Variants in MFN1 observed in about 807,000 individuals in gnomAD.
The protein encoded by MFN1 is mitofusin 1, also known as mitofusin-1.
In MFN1, 65 loss-of-function variants were observed where a neutral mutation model predicts 92.4. The ratio of observed to expected loss-of-function variants is 0.70; its 90% confidence interval spans 0.58 to 0.86. The LOEUF (loss-of-function observed/expected upper bound fraction) is 0.86. MFN1 is among the 40% of genes least tolerant of loss of function. The probability of loss-of-function intolerance (pLI) is 0.00; values close to 1 mark genes in which losing one functional copy is unlikely to be tolerated. For synonymous variants in MFN1, 297 were observed against 300.9 expected, an observed-to-expected ratio of 0.99 and a Z score of 0.13; for missense variants, 781 against 868.0, an observed-to-expected ratio of 0.90 and a Z score of 1.26.
Position 179,392,030 on chromosome 3 carries a change from T to C in MFN1, c.2197T>C (p.Phe733Leu), listed in dbSNP as rs1430627611. The C allele has an allele frequency of 2.5e-6, 4 of 1,611,354 alleles. No individual in the cohort carries two copies. In the African/African-American group the frequency reaches 5.3e-5, roughly 22 times the overall value. ...ENELENFTKQ[F>L]LPSSNEES is the part of the protein sequence containing the mutation. ...TGAGCTGGAGAATTTTACTAAGCAG[T>C]TTCTACCTTCAAGCAATGAAGAATC... Residue 733 changes from phenylalanine (F) to leucine (L), a missense_variant, in exon 18 of 18, where the codon TTT (phenylalanine) becomes CTT (leucine). Transcript: ENST00000471841.
intron 2 of MFN1, among the ~76,000 whole-genome samples, chr3:179,351,079 A>G (rs1398605141): frequency 1.3e-5 from 2 of 152,240 alleles, no homozygotes; most frequent in South Asian, 2.1e-4. Context: ...TGCTAGGATT[A>G]TAGGCGTGAG....
rs777653541 is a variant in MFN1 at position 179,362,517 on chromosome 3, G to A, written c.536+35G>A. The A allele has an allele frequency of 3.7e-6, 6 of 1,601,266 alleles. No individual in the cohort carries two copies. In the African/African-American group the frequency reaches 4.0e-5, roughly 11 times the overall value. On this transcript the variant is annotated intron_variant, in intron 5 of 17. Transcript: ENST00000471841. ...CATGTGGATTGCATTTTCTCTGGAA[G>A]TTTATTTAATAGTATAATACTGCTT...
At chr3:179,390,427 A>G (rs1462575081) in intron 17 of MFN1, among the ~76,000 whole-genome samples, 3 of 152,198 alleles carry the variant, frequency 2.0e-5, no homozygotes, top group African/African-American at 4.8e-5. Flanking sequence ...TCATTAGGCT[A>G]TATTATTCCC....
Position 179,377,034 on chromosome 3 carries a change from T to G in MFN1, c.1098-8T>G. ...CCTGAACGTTGATTACTCTTTATAC[T>G]GAAATAGGCATTATTCAGTGGAAGA... On this transcript the variant is annotated splice_region_variant and splice_polypyrimidine_tract_variant and intron_variant, in intron 10 of 17. Transcript: ENST00000471841. 6.2e-7 allele frequency: 1 copy of G among 1,612,616 alleles called. No individual in the cohort carries two copies. The highest frequency in any genetic ancestry group is 8.5e-7 in the Non-Finnish European group (1 of 1,179,476).
intron 14 of MFN1, among the ~76,000 whole-genome samples, chr3:179,382,688 A>G (rs1713517690): frequency 1.3e-5 from 2 of 152,222 alleles, no homozygotes; most frequent in Admixed American, 6.5e-5. Context: ...AGTCCCACCA[A>G]CAGTGTAAAA....
chr3:179,357,778 A>G (rs1315386755), intron 3 of MFN1, among the ~76,000 whole-genome samples: 1 of 152,192 alleles, frequency 6.6e-6, no homozygotes, highest in Admixed American at 6.5e-5. Context: ...TATTATGTTC[A>G]CTGATTCTGT....
intron 14 of MFN1, among the ~76,000 whole-genome samples, chr3:179,379,341 A>C (rs1399243536): frequency 6.6e-6 from 1 of 152,084 alleles, no homozygotes; most frequent in Middle Eastern, 3.2e-3. Flanking sequence ...TACTGTTTAA[A>C]AAAAATTTTT....
intron 16 of MFN1, among the ~76,000 whole-genome samples, chr3:179,388,848 A>T (rs551130685): frequency 6.6e-6 from 1 of 152,244 alleles, no homozygotes; most frequent in Non-Finnish European, 1.5e-5. Flanking sequence ...GAAATATTCA[A>T]TGTGGCACAT....
At chr3:179,361,497 C>T (rs1712576063) in intron 4 of MFN1, among the ~76,000 whole-genome samples, 1 of 152,016 alleles carries the variant, frequency 6.6e-6, no homozygotes, top group African/African-American at 2.4e-5. Context: ...GTTTATTGTT[C>T]CCATCTTTAT....
chr3:179,371,004 GTT>G (rs1452458709), intron 9 of MFN1, among the ~76,000 whole-genome samples: 1 of 152,066 alleles, frequency 6.6e-6, no homozygotes, highest in African/African-American at 2.4e-5. Flanking sequence ...CATTTTCTCT[GTT>G]TTGGGGATTT....
rs111827086 is a variant in MFN1 at position 179,392,927 on chromosome 3, G to A, written c.*868G>A. On this transcript the variant is annotated 3_prime_UTR_variant, in exon 18 of 18. Coordinates refer to ENST00000471841, the MANE Select transcript of MFN1 (RefSeq NM_033540.3). The stretch of plus-strand genomic sequence containing the variant: ...AATTTTATTTGTATGAATTTTCCAG[G>A]ATTTCATTAAAAATTATTATTGTAT... 3.3e-5 allele frequency: 5 copies of A among 152,198 alleles called. No homozygotes were observed. Among genetic ancestry groups the A allele is most frequent in the African/African-American group, 1.2e-4 (5 of 41,536 alleles). The allele number at this position is 152,198 out of a possible 1,614,324, so 9.4% of individuals were successfully genotyped here.
chr3:179,374,997 A>G (rs1046195377), intron 9 of MFN1, among the ~76,000 whole-genome samples: 16 of 152,228 alleles, frequency 1.1e-4, no homozygotes, highest in African/African-American at 3.9e-4. Flanking sequence ...ATTACTGTGT[A>G]AAAATACACA....
chr3:179,370,426 C>G (rs964352012), intron 9 of MFN1, among the ~76,000 whole-genome samples: 3 of 100,760 alleles, frequency 3.0e-5, no homozygotes, highest in East Asian at 3.8e-4. Flanking sequence ...GAGACAGAGT[C>G]TCGCTCTGTC....
chr3:179,361,945 G>A (rs1712596890), intron 4 of MFN1, among the ~76,000 whole-genome samples: 1 of 152,136 alleles, frequency 6.6e-6, no homozygotes, highest in Non-Finnish European at 1.5e-5. Flanking sequence ...CAAAAGACTT[G>A]ATTTCATTCC....
At chr3:179,389,874 T>C (rs1713835601) in intron 16 of MFN1, 130 bp from the exon 17 acceptor site, 7 of 776,508 alleles carry the variant, frequency 9.0e-6, no homozygotes, top group African/African-American at 1.8e-5. Flanking sequence ...CTCTTATCAT[T>C]CTTAGTGTTC....
intron 3 of MFN1, among the ~76,000 whole-genome samples, chr3:179,352,999 G>T (rs913647094): frequency 1.5e-4 from 22 of 150,656 alleles, no homozygotes; most frequent in African/African-American, 5.4e-4. Flanking sequence ...TGATCCACCC[G>T]CCTTGGCCTC....
At chr3:179,384,557 A>G (rs1713598291) in intron 14 of MFN1, among the ~76,000 whole-genome samples, 1 of 152,186 alleles carries the variant, frequency 6.6e-6, no homozygotes, top group Non-Finnish European at 1.5e-5. Context: ...TCTCACATAT[A>G]TGATTTCCAA....
chr3:179,374,357 C>G (rs1713145141), intron 9 of MFN1, among the ~76,000 whole-genome samples: 1 of 138,338 alleles, frequency 7.2e-6, no homozygotes, highest in Non-Finnish European at 1.6e-5. Context: ...ACATATATAA[C>G]ATATATATGT....
chr3:179,389,340 C>T (rs1025381787), intron 16 of MFN1, among the ~76,000 whole-genome samples: 3 of 152,132 alleles, frequency 2.0e-5, no homozygotes, highest in South Asian at 4.1e-4. Flanking sequence ...TTGCCTCCCA[C>T]GCAGCAGTTC....
Sources: allele counts gnomAD v4.1 joint callset (sites outside exome capture counted in the v4.1 genomes callset), GRCh38; gene constraint gnomAD v4.1.1; transcripts MANE v1.5; gene names NCBI Gene and HGNC (gene_info 2026-07-23, HGNC 2026-07-21).